Variants in HSF2 observed in about 807,000 individuals in gnomAD.
HSF2 encodes heat shock factor protein 2.
Under a neutral mutation model 65.0 loss-of-function variants are expected in HSF2, and 21 were observed. That is an observed-to-expected ratio of 0.32 (90% CI 0.23 to 0.47). The LOEUF is 0.47. Ranked by LOEUF, HSF2 falls within the 20% of genes least tolerant of loss-of-function variation. HSF2 has a pLI of 1.00. For synonymous variants in HSF2, 225 were observed against 219.1 expected, an observed-to-expected ratio of 1.03 and a Z score of -0.24; for missense variants, 499 against 628.1, an observed-to-expected ratio of 0.79 and a Z score of 2.20.
At chr6:122,430,871 AAAG>A (rs1327074085) in intron 11 of HSF2, among the ~76,000 whole-genome samples, 1 of 152,124 alleles carries the variant, frequency 6.6e-6, no homozygotes, top group African/African-American at 2.4e-5. Flanking sequence ...AAATGACAGA[AAAG>A]AACTGACAGA....
At chr6:122,416,096 C>T (rs1774120155) in intron 4 of HSF2, 125 bp from the exon 5 acceptor site, 3 of 579,378 alleles carry the variant, frequency 5.2e-6, no homozygotes, top group Non-Finnish European at 9.1e-6. Flanking sequence ...TTTTCTTGGT[C>T]TCATAAATAC....
intron 10 of HSF2, among the ~76,000 whole-genome samples, chr6:122,427,635 G>A (rs1441682454): frequency 6.6e-6 from 1 of 151,972 alleles, no homozygotes; most frequent in Non-Finnish European, 1.5e-5. Context: ...GGGAGGAGGT[G>A]AAAACCACTA....
intron 1 of HSF2, among the ~76,000 whole-genome samples, chr6:122,402,673 G>A (rs1423691586): frequency 1.3e-5 from 2 of 151,690 alleles, no homozygotes; most frequent in South Asian, 2.1e-4. Context: ...CTGCCTCAGC[G>A]TCTCGAGTAG....
intron 4 of HSF2, 30 bp downstream of exon 4, chr6:122,413,679 A>G (rs1351817328): frequency 6.4e-7 from 1 of 1,570,290 alleles, no homozygotes; most frequent in Admixed American, 1.7e-5. Flanking sequence ...TATAATTTTA[A>G]TCTGGGAATT....
chr6:122,430,988 A>G (rs147427976), intron 11 of HSF2, among the ~76,000 whole-genome samples: 118 of 152,306 alleles, frequency 7.7e-4, no homozygotes, highest in Non-Finnish European at 1.5e-3. Flanking sequence ...TACTCTAAAT[A>G]TGTTCACTTA....
chr6:122,420,239 G>C lies in HSF2; in HGVS notation c.681+17G>C. On this transcript the variant is annotated intron_variant, in intron 7 of 12. Coordinates refer to ENST00000368455, the MANE Select transcript of HSF2 (RefSeq NM_004506.4). ...CATCATAAAGTAATTTTTTAGTTAG[G>C]GTCTATTTTATATTTATTGTCTCAG... The C allele has an allele frequency of 1.3e-6, 2 of 1,563,964 alleles. No individual in the cohort carries two copies. The highest frequency in any genetic ancestry group is 1.8e-6 in the Non-Finnish European group (2 of 1,141,446).
At chr6:122,419,684 C>G (rs1774193556) in intron 6 of HSF2, among the ~76,000 whole-genome samples, 3 of 151,794 alleles carry the variant, frequency 2.0e-5, no homozygotes. Flanking sequence ...ATTGTCACAG[C>G]TAAAACATTA....
intron 4 of HSF2, among the ~76,000 whole-genome samples, chr6:122,414,841 T>A (rs563054214): frequency 6.6e-6 from 1 of 152,324 alleles, no homozygotes; most frequent in African/African-American, 2.4e-5. Context: ...GTTCTCAAAC[T>A]CCTGACCTCA....
Position 122,412,618 on chromosome 6 carries a change from A to G in HSF2, c.203-19A>G, listed in dbSNP as rs1774026182. 7 of 1,605,676 alleles carry G rather than the reference A, an allele frequency of 4.4e-6. 1 individual carries two copies. The highest frequency in any genetic ancestry group is 6.0e-6 in the Non-Finnish European group (7 of 1,173,564). On this transcript the variant is annotated intron_variant, in intron 2 of 12. Coordinates refer to ENST00000368455, the MANE Select transcript of HSF2 (RefSeq NM_004506.4). Reference sequence around the variant, plus strand: ...TTGACTTGTTTATTTTAGTCATTTGAATTTTGAATATTTTTCAGATGGTTT... The same window carrying G: ...TTGACTTGTTTATTTTAGTCATTTGGATTTTGAATATTTTTCAGATGGTTT...
chr6:122,425,425 T>C (rs1011789389), intron 10 of HSF2, among the ~76,000 whole-genome samples: 15 of 152,044 alleles, frequency 9.9e-5, no homozygotes, highest in Admixed American at 4.6e-4. Context: ...GGTTCTGTTA[T>C]AGGCTCATGT....
chr6:122,426,755 C>G (rs1044048502), intron 10 of HSF2, among the ~76,000 whole-genome samples: 1 of 151,980 alleles, frequency 6.6e-6, no homozygotes, highest in African/African-American at 2.4e-5. Context: ...CTCATTCTAT[C>G]CTGTGAACCA....
At chr6:122,430,446 T>G (rs982373965) in intron 11 of HSF2, among the ~76,000 whole-genome samples, 5 of 152,170 alleles carry the variant, frequency 3.3e-5, no homozygotes, top group African/African-American at 1.2e-4. Context: ...GGAAAATACC[T>G]ATTTTAGGAA....
At chr6:122,430,533 TG>T (rs1774438878) in intron 11 of HSF2, among the ~76,000 whole-genome samples, 1 of 152,150 alleles carries the variant, frequency 6.6e-6, no homozygotes, top group Non-Finnish European at 1.5e-5. Context: ...AATATTTTTA[TG>T]TACACTTTTG....
intron 7 of HSF2, among the ~76,000 whole-genome samples, chr6:122,420,587 T>TA (rs1236823630): frequency 4.0e-5 from 6 of 150,042 alleles, no homozygotes; most frequent in Admixed American, 2.7e-4. Flanking sequence ...TGCATATATC[T>TA]AAACTTCATA....
At chr6:122,411,433 TA>T (rs1278185358) in intron 1 of HSF2, among the ~76,000 whole-genome samples, 3 of 151,828 alleles carry the variant, frequency 2.0e-5, no homozygotes, top group Admixed American at 2.0e-4. Context: ...AGTCTGTTGG[TA>T]GTCTTTAGAT....
intron 1 of HSF2, among the ~76,000 whole-genome samples, chr6:122,405,311 G>T (rs924729858): frequency 4.0e-5 from 6 of 150,200 alleles, no homozygotes; most frequent in African/African-American, 7.3e-5. Context: ...TATAATTTCA[G>T]TTAGTGATAA....
intron 1 of HSF2, among the ~76,000 whole-genome samples, chr6:122,401,462 G>A (rs1773731841): frequency 6.6e-6 from 1 of 152,162 alleles, no homozygotes; most frequent in African/African-American, 2.4e-5. Flanking sequence ...CTTTTAATCA[G>A]AGTATCATGT....
In HSF2 at chr6:122,416,258, C is replaced by A. The variant is rs903916820; in HGVS notation, c.493C>A (p.Arg165=). The change falls in exon 5 of 13, where the codon CGA becomes AGA. Residue 165 remains arginine (R), a synonymous_variant. Transcript: ENST00000368455. The stretch of plus-strand genomic sequence containing the variant: ...CCTTTGGAAGGAGGTGTCAGAATTA[C>A]GAGCAAAGCATGCACAACAGCAACA... The part of the protein sequence containing the change: ...ESLWKEVSEL[R]AKHAQQQQVI... The A allele has an allele frequency of 4.3e-6, 7 of 1,610,732 alleles. No individual in the cohort carries two copies. Among genetic ancestry groups the A allele is most frequent in the Non-Finnish European group, 5.9e-6 (7 of 1,177,258 alleles).
chr6:122,415,069 G>T (rs1244435322), intron 4 of HSF2, among the ~76,000 whole-genome samples: 1 of 152,144 alleles, frequency 6.6e-6, no homozygotes, highest in Non-Finnish European at 1.5e-5. Flanking sequence ...TAAAGAAGAT[G>T]ACTTGTGGAG....
Sources: gnomAD v4.1 joint callset for allele counts (sites outside exome capture counted in the v4.1 genomes callset) on GRCh38, gnomAD v4.1.1 for gene constraint, MANE v1.5 for transcripts, NCBI Gene and HGNC (gene_info 2026-07-23, HGNC 2026-07-21) for gene names.